The following CBLB variants were observed in gnomAD, a reference collection of about 807,000 sequenced individuals.
CBLB encodes E3 ubiquitin-protein ligase CBL-B.
Under a neutral mutation model 104.9 loss-of-function variants are expected in CBLB, and 31 were observed. The observed-to-expected ratio is 0.30, with a 90% CI of 0.22 to 0.40. The LOEUF is 0.40. Among genes scored for constraint, CBLB ranks in the 10% least tolerant of loss-of-function variants. The probability of loss-of-function intolerance (pLI) is 1.00; values close to 1 mark genes in which losing one functional copy is unlikely to be tolerated. For synonymous variants in CBLB, 440 were observed against 422.6 expected (o/e 1.04, Z -0.51); for missense variants, 1,062 against 1,214.6 (o/e 0.87, Z 1.87).
intron 17 of CBLB, chr3:105,672,537 G>A: frequency 6.2e-6 from 1 of 160,242 alleles, no homozygotes. Flanking sequence ...CCCCTGATAA[G>A]AAAACTTTGT....
chr3:105,682,591 C>G (rs1408280009), intron 14 of CBLB, among the ~76,000 whole-genome samples: 1 of 152,132 alleles, frequency 6.6e-6, no homozygotes. Flanking sequence ...ACCGCAACCT[C>G]CGCCTACCAG....
Position 105,658,876 on chromosome 3 carries a change from C to A in CBLB, c.*94G>T. On this transcript the variant is annotated 3_prime_UTR_variant, in exon 19 of 19. Coordinates refer to ENST00000394030, the MANE Select transcript of CBLB (RefSeq NM_170662.5). ...CTCAAGCTGCTACACGAGGAGGAGA[C>A]ACTTCTCTCTTGAATTCCATCTCAG... 1 of 1,366,740 alleles carries A rather than the reference C, an allele frequency of 7.3e-7. No individual in the cohort carries two copies. The highest frequency in any genetic ancestry group is 1.0e-6 in the Non-Finnish European group (1 of 965,822). 84.7% of individuals were successfully genotyped at this position (1,366,740 alleles called of 1,614,324 possible).
chr3:105,869,153 T>A (rs1168004216), upstream of CBLB: 7 of 652,346 alleles, frequency 1.1e-5, no homozygotes, highest in African/African-American at 2.0e-5. Flanking sequence ...GCGCCCGTCC[T>A]CCTCGCGCTG....
rs1252055822 is a variant in CBLB at position 105,754,531 on chromosome 3, G to GAC, written c.567-2914_567-2913insGT. Among the ~76,000 whole-genome samples the GAC allele has an allele frequency of 6.5e-4, 83 of 127,594 alleles. 1 individual carries two copies. The highest frequency in any genetic ancestry group is 2.1e-3 in the African/African-American group (65 of 30,994). 83.7% of individuals were successfully genotyped at this position (127,594 alleles called of 152,430 possible). On this transcript the variant is annotated intron_variant, in intron 4 of 18. Transcript: ENST00000394030. ...AGAGAGAGAGAGAGAGACAGAGAGA[G>GAC]AGAGAGAGAGAGAGAGAGAGAGAGA...
At chr3:105,798,401 C>G (rs1463489563) in intron 3 of CBLB, among the ~76,000 whole-genome samples, 1 of 152,016 alleles carries the variant, frequency 6.6e-6, no homozygotes, top group Non-Finnish European at 1.5e-5. Context: ...ACATGAGGTC[C>G]AGCAATAACT....
chr3:105,694,394 T>C (rs7634544), intron 12 of CBLB, among the ~76,000 whole-genome samples: 2,683 of 151,926 alleles, frequency 0.018, 73 homozygotes, highest in African/African-American at 0.061. Context: ...CAAGAAAAAA[T>C]TGAACACATT....
intron 3 of CBLB, among the ~76,000 whole-genome samples, chr3:105,829,749 A>G (rs996973431): frequency 2.7e-5 from 4 of 148,864 alleles, no homozygotes; most frequent in African/African-American, 9.8e-5. Context: ...TTCTTCCAAA[A>G]TCAAATTTTT....
At position 105,702,405 on chromosome 3, in the gene CBLB, G is replaced by C. The variant is rs770025427; in HGVS notation, c.1648C>G (p.Pro550Ala). 14 of 1,606,926 alleles carry C rather than the reference G, an allele frequency of 8.7e-6. No individual in the cohort carries two copies. The highest frequency in any genetic ancestry group is 1.2e-5 in the Non-Finnish European group (14 of 1,176,136). ...GGCGGTGGAGGAGGATCTCTTAAGG[G>C]AGGAGGTGGTGCTGGGAGTGGTTTA... ...QDKPLPAPPP[P>A]LRDPPPPPPE... Residue 550 changes from proline to alanine, a missense_variant, in exon 12 of 19, where the codon CCC becomes GCC. Around this residue, in one of 2 missense-constraint regions of CBLB, gnomAD observed 605 missense variants for 582.6 expected, o/e 1.04. Coordinates refer to ENST00000394030, the MANE Select transcript of CBLB (RefSeq NM_170662.5).
intron 3 of CBLB, among the ~76,000 whole-genome samples, chr3:105,792,417 C>T (rs2081774463): frequency 6.6e-6 from 1 of 152,208 alleles, no homozygotes; most frequent in Non-Finnish European, 1.5e-5. Context: ...TAGCTTCTCT[C>T]TCAGGTCAGA....
intron 9 of CBLB, among the ~76,000 whole-genome samples, chr3:105,729,922 T>C (rs1383304414): frequency 2.0e-5 from 3 of 152,252 alleles, no homozygotes; most frequent in Non-Finnish European, 2.9e-5. Context: ...ACAGATACGC[T>C]AGTTGGCAGG....
At chr3:105,812,070 G>GT (rs1360317594) in intron 3 of CBLB, among the ~76,000 whole-genome samples, 1 of 151,382 alleles carries the variant, frequency 6.6e-6, no homozygotes, top group African/African-American at 2.4e-5. Flanking sequence ...TTTGTTTGTT[G>GT]TTTTAACTTA....
intron 9 of CBLB, among the ~76,000 whole-genome samples, chr3:105,723,759 T>C (rs1173080274): frequency 2.0e-5 from 3 of 152,214 alleles, no homozygotes; most frequent in East Asian, 3.9e-4. Flanking sequence ...AGACATACTA[T>C]ATCTTAAATA....
intron 3 of CBLB, among the ~76,000 whole-genome samples, chr3:105,786,911 C>T (rs2081090576): frequency 6.6e-6 from 1 of 152,200 alleles, no homozygotes; most frequent in Non-Finnish European, 1.5e-5. Context: ...ATTCAATTAA[C>T]TCCATTTTAC....
intron 4 of CBLB, among the ~76,000 whole-genome samples, chr3:105,772,185 C>A (rs2078953149): frequency 1.3e-5 from 2 of 152,096 alleles, no homozygotes; most frequent in Admixed American, 1.3e-4. Context: ...GCACATAGAC[C>A]AATGGAACAG....
intron 3 of CBLB, among the ~76,000 whole-genome samples, chr3:105,826,498 A>G (rs2086604094): frequency 6.6e-6 from 1 of 152,210 alleles, no homozygotes; most frequent in Non-Finnish European, 1.5e-5. Context: ...GTGCCACTTC[A>G]CTGCTTAAGA....
chr3:105,695,984 A>G (rs1158543055), intron 12 of CBLB, among the ~76,000 whole-genome samples: 2 of 151,684 alleles, frequency 1.3e-5, no homozygotes, highest in African/African-American at 4.8e-5. Context: ...GGTTTAGCTG[A>G]AAGAAATTCA....
At chr3:105,734,450 T>C (rs755440449) in intron 8 of CBLB, among the ~76,000 whole-genome samples, 10 of 152,146 alleles carry the variant, frequency 6.6e-5, no homozygotes, top group Non-Finnish European at 1.5e-4. Flanking sequence ...AAAGACAAAA[T>C]CTATGGTTTT....
chr3:105,764,227 G>C (rs2077977095), intron 4 of CBLB, among the ~76,000 whole-genome samples: 1 of 151,744 alleles, frequency 6.6e-6, no homozygotes, highest in African/African-American at 2.4e-5. Context: ...TAGTCCAGTG[G>C]TTCCAAATAG....
In CBLB at chr3:105,746,046, A is replaced by T. The variant is rs764959638; in HGVS notation, c.724-8T>A. 5 of 1,587,820 alleles carry T rather than the reference A, an allele frequency of 3.1e-6. No individual in the cohort carries two copies. In the South Asian group the frequency reaches 5.5e-5, roughly 18 times the overall value. ...CAAAATAGAGCCCCAAGGCTAAAAA[A>T]TAAAAAAATTAAAAGAGATTAGTAT... On this transcript the variant is annotated splice_region_variant and splice_polypyrimidine_tract_variant and intron_variant, in intron 5 of 18. Transcript: ENST00000394030.
Sources: gnomAD v4.1 joint callset for allele counts (sites outside exome capture counted in the v4.1 genomes callset) on GRCh38, gnomAD v4.1.1 for gene constraint, gnomAD v4.1.1 regional missense constraint, MANE v1.5 for transcripts, NCBI Gene and HGNC (gene_info 2026-07-23, HGNC 2026-07-21) for gene names.